Variants in TMEM9 observed in about 807,000 individuals in gnomAD.
The protein encoded by TMEM9 is transmembrane protein 9.
Under a neutral mutation model 22.8 loss-of-function variants are expected in TMEM9, and 13 were observed. The ratio of observed to expected loss-of-function variants is 0.57; its 90% CI spans 0.37 to 0.91. The LOEUF (loss-of-function observed/expected upper bound fraction) is 0.91, where lower values mean the gene tolerates loss of function less well. Ranked by LOEUF, TMEM9 falls within the 40% of genes least tolerant of loss-of-function variation. The pLI is 0.01. For synonymous variants in TMEM9, 88 were observed against 93.0 expected (o/e 0.95, Z 0.31); for missense variants, 182 against 238.1 (o/e 0.76, Z 1.55).
chr1:201,161,408 C>T, intron 1 of TMEM9, among the ~76,000 whole-genome samples: 1 of 152,168 alleles, frequency 6.6e-6, no homozygotes, highest in African/African-American at 2.4e-5. Flanking sequence ...GTTTAGAAGG[C>T]CCTAAGTTTC....
Position 201,154,059 on chromosome 1 carries a change from G to C in TMEM9, c.-136C>G, listed in dbSNP as rs1317615299. 4 of 1,059,830 alleles carry C rather than the reference G, an allele frequency of 3.8e-6. No individual in the cohort carries two copies. In the Admixed American group the frequency reaches 1.2e-4, roughly 31 times the overall value. The allele number at this position is 1,059,830 out of a possible 1,614,324, so 65.7% of individuals were successfully genotyped here. A position where few individuals can be genotyped will look rare whatever the true frequency, so the allele number is the denominator to read the frequency against. On this transcript the variant is annotated 5_prime_UTR_variant, in exon 1 of 5. Coordinates refer to ENST00000367330, the MANE Select transcript of TMEM9 (RefSeq NM_001288565.2). ...CCGGCCAAGTGGGAATGGGGTTGGG[G>C]GCTGGGCTCCAGGATTCCAAGGCCT...
chr1:201,170,016 C>T (rs1009913435), intron 1 of TMEM9, among the ~76,000 whole-genome samples: 1 of 111,234 alleles, frequency 9.0e-6, no homozygotes, highest in East Asian at 2.5e-4. Flanking sequence ...AGAAACTGAC[C>T]GTTTAAGGAA....
At chr1:201,162,313 T>C (rs1364037558) in intron 1 of TMEM9, among the ~76,000 whole-genome samples, 1 of 152,070 alleles carries the variant, frequency 6.6e-6, no homozygotes, top group South Asian at 2.1e-4. Context: ...TTATTTTTAT[T>C]TTTTGTGGAG....
chr1:201,169,116 T>G (rs911507559), intron 1 of TMEM9, among the ~76,000 whole-genome samples: 8 of 151,750 alleles, frequency 5.3e-5, no homozygotes, highest in African/African-American at 1.9e-4. Context: ...CTTAGAAAAT[T>G]GCGGAAACTG....
intron 4 of TMEM9, among the ~76,000 whole-genome samples, chr1:201,138,326 C>T (rs73081051): frequency 0.019 from 2,822 of 152,314 alleles, 82 homozygotes; most frequent in African/African-American, 0.065. Flanking sequence ...TAACAAACAG[C>T]TCCTAAGTGG....
rs747404248 is a variant in TMEM9, at chr1:201,143,937, G to A, written c.282C>T (p.Ile94=). ...ACAGGGCACCCACCACGGACAGGTAGATGACAATGATGACCTGAGGAAGAG... is the reference window on the plus strand; with the variant it reads ...ACAGGGCACCCACCACGGACAGGTAAATGACAATGATGACCTGAGGAAGAG... ...STTTIKVIIV[I]YLSVVGALLL... Residue 94 remains isoleucine, a synonymous_variant, in exon 4 of 5, where the codon ATC becomes ATT. Coordinates refer to ENST00000367330, the MANE Select transcript of TMEM9 (RefSeq NM_001288565.2). The A allele has an allele frequency of 1.2e-6, 2 of 1,614,030 alleles. No individual in the cohort carries two copies. Among genetic ancestry groups the A allele is most frequent in the East Asian group, 4.5e-5 (2 of 44,888 alleles).
intron 1 of TMEM9, among the ~76,000 whole-genome samples, chr1:201,168,781 A>ATTT (rs1212114282): frequency 2.2e-5 from 2 of 89,332 alleles, no homozygotes; most frequent in Non-Finnish European, 4.4e-5. Context: ...GGCAGGGGGC[A>ATTT]TTATTTTTAT....
intron 4 of TMEM9, among the ~76,000 whole-genome samples, chr1:201,137,471 AACAC>A (rs144662228): frequency 0.21 from 31,056 of 146,404 alleles, 3,299 homozygotes; most frequent in Non-Finnish European, 0.24. Context: ...CAAATTATCT[AACAC>A]ACACACACAC....
intron 1 of TMEM9, among the ~76,000 whole-genome samples, chr1:201,161,158 T>A (rs831745): frequency 0.9 from 136,184 of 152,102 alleles, 60,986 homozygotes; most frequent in East Asian, 0.92. Flanking sequence ...TTTTTTTGTA[T>A]ATCCCCTTAC....
Position 201,135,072 on chromosome 1 carries a change from C to G in TMEM9, c.*591G>C, listed in dbSNP as rs1328230575. ...ACTCCATGCCCCAGTGCGAGAAGTG[C>G]ACAGGGGACAGCGAACACCAGCTTC... On this transcript the variant is annotated 3_prime_UTR_variant, in exon 5 of 5. Transcript: ENST00000367330. The G allele has an allele frequency of 6.5e-6, 1 of 152,870 alleles. No homozygotes were observed. Among genetic ancestry groups the G allele is most frequent in the Non-Finnish European group, 1.5e-5 (1 of 68,186 alleles). 9.5% of individuals were successfully genotyped at this position (152,870 alleles called of 1,614,324 possible).
At chr1:201,147,202 G>A (rs1420448341) in intron 2 of TMEM9, among the ~76,000 whole-genome samples, 1 of 152,114 alleles carries the variant, frequency 6.6e-6, no homozygotes. Context: ...AGAAGCTGAC[G>A]GATCTTAGAT....
At chr1:201,165,150 T>TTTTATATATA (rs1203599097) in intron 1 of TMEM9, among the ~76,000 whole-genome samples, 2 of 87,076 alleles carry the variant, frequency 2.3e-5, no homozygotes, top group Non-Finnish European at 5.1e-5. Context: ...TAAGAGAAAA[T>TTTTATATATA]TATATATATA....
At chr1:201,165,685 T>A (rs576158856) in intron 1 of TMEM9, among the ~76,000 whole-genome samples, 1 of 152,286 alleles carries the variant, frequency 6.6e-6, no homozygotes, top group East Asian at 1.9e-4. Flanking sequence ...TCCTCCCAGC[T>A]CGGCCTCCCA....
intron 1 of TMEM9, among the ~76,000 whole-genome samples, chr1:201,160,513 C>T (rs182299359): frequency 1.3e-5 from 2 of 152,104 alleles, no homozygotes; most frequent in African/African-American, 4.8e-5. Flanking sequence ...CGCTTGAACC[C>T]AGGAGGCAGA....
chr1:201,166,170 GCTTT>G (rs1666073107), intron 1 of TMEM9, among the ~76,000 whole-genome samples: 2 of 152,046 alleles, frequency 1.3e-5, no homozygotes, highest in South Asian at 4.2e-4. Context: ...TTTGTCCGTT[GCTTT>G]CTTGCAATGT....
At chr1:201,157,743 G>T (rs573311447), upstream of TMEM9, among the ~76,000 whole-genome samples, 31 of 152,276 alleles carry the variant, frequency 2.0e-4, no homozygotes, top group Non-Finnish European at 1.5e-5. Context: ...ATTCAGGGTG[G>T]TAAGAGCTGT....
intron 1 of TMEM9, among the ~76,000 whole-genome samples, chr1:201,169,696 A>AT (rs113856764): frequency 0.017 from 2,519 of 150,050 alleles, 66 homozygotes; most frequent in African/African-American, 0.053. Context: ...GTGTTCACAC[A>AT]TTTTTTTTTT....
chr1:201,146,068 G>T (rs1664935623), intron 3 of TMEM9, among the ~76,000 whole-genome samples: 1 of 152,246 alleles, frequency 6.6e-6, no homozygotes, highest in African/African-American at 2.4e-5. Context: ...CGCACTGGGG[G>T]GCTGGGGGTC....
intron 1 of TMEM9, among the ~76,000 whole-genome samples, chr1:201,152,097 T>A (rs3818435): frequency 0.72 from 110,001 of 151,976 alleles, 40,074 homozygotes; most frequent in Non-Finnish European, 0.77. Flanking sequence ...CAGAAAGTTG[T>A]CTAGGCCTGC....
Sources: allele counts gnomAD v4.1 joint callset (sites outside exome capture counted in the v4.1 genomes callset), GRCh38; gene constraint gnomAD v4.1.1; transcripts MANE v1.5; gene names NCBI Gene and HGNC (gene_info 2026-07-23, HGNC 2026-07-21).